Variants in ZDHHC20 observed in about 807,000 individuals in gnomAD.
ZDHHC20 encodes palmitoyltransferase ZDHHC20.
In ZDHHC20, 43 loss-of-function variants were observed where a neutral mutation model predicts 57.8. The observed-to-expected ratio is 0.74, with a 90% confidence interval of 0.58 to 0.96. The LOEUF (loss-of-function observed/expected upper bound fraction) is 0.96. ZDHHC20 is among the 40% of genes least tolerant of loss of function. The probability of loss-of-function intolerance (pLI) is 0.00; values close to 1 mark genes in which losing one functional copy is unlikely to be tolerated. For synonymous variants in ZDHHC20, 157 were observed against 153.0 expected (o/e 1.03, Z -0.19); for missense variants, 391 against 441.1 (o/e 0.89, Z 1.02).
chr13:21,423,620 G>A (rs1880902650), intron 2 of ZDHHC20, among the ~76,000 whole-genome samples: 1 of 151,764 alleles, frequency 6.6e-6, no homozygotes, highest in Non-Finnish European at 1.5e-5. Context: ...GTTGCAGTGA[G>A]CCGAGATCGT....
chr13:21,392,436 C>G (rs962838247), intron 7 of ZDHHC20, among the ~76,000 whole-genome samples: 1 of 152,204 alleles, frequency 6.6e-6, no homozygotes, highest in African/African-American at 2.4e-5. Flanking sequence ...TCTTTAATCT[C>G]TATTTTCAGA....
intron 9 of ZDHHC20, among the ~76,000 whole-genome samples, chr13:21,383,991 C>T (rs1873959840): frequency 6.6e-6 from 1 of 151,804 alleles, no homozygotes; most frequent in Non-Finnish European, 1.5e-5. Context: ...TAATTGTTTT[C>T]AAAATAGGCA....
chr13:21,395,402 G>A (rs1876603398), intron 7 of ZDHHC20, among the ~76,000 whole-genome samples: 1 of 150,768 alleles, frequency 6.6e-6, no homozygotes, highest in African/African-American at 2.4e-5. Context: ...GTGACCTTCG[G>A]TAGTTGCATA....
chr13:21,426,415 G>A (rs1881254883), intron 1 of ZDHHC20, among the ~76,000 whole-genome samples: 1 of 151,992 alleles, frequency 6.6e-6, no homozygotes, highest in Non-Finnish European at 1.5e-5. Context: ...TTCCTCAAAT[G>A]CAACAGCTTA....
intron 1 of ZDHHC20, among the ~76,000 whole-genome samples, chr13:21,446,618 G>T (rs1883730885): frequency 6.6e-6 from 1 of 151,896 alleles, no homozygotes; most frequent in South Asian, 2.1e-4. Flanking sequence ...TCTATTTAAG[G>T]GAATCTATTC....
At position 21,435,080 on chromosome 13, in the gene ZDHHC20, C is replaced by A. The variant is rs985783950; in HGVS notation, c.119-9402G>T. Among the ~76,000 whole-genome samples the A allele has an allele frequency of 7.9e-5, 12 of 152,312 alleles. No homozygotes were observed. The East Asian group carries it at 2.1e-3, about 27-fold the overall frequency. On this transcript the variant is annotated intron_variant, in intron 1 of 12. Transcript: ENST00000400590. ...CAGCAATGAATGAAACTGACTGTTT[C>A]TCTGCAGTCTACTCAATGAAGTTTT...
At position 21,379,373 on chromosome 13, in the gene ZDHHC20, C is replaced by T. The variant is rs138937629; in HGVS notation, c.1061-635G>A. On this transcript the variant is annotated intron_variant, in intron 11 of 12. Coordinates refer to ENST00000400590, the MANE Select transcript of ZDHHC20 (RefSeq NM_001330059.2). ...CATAGCTCACTGTAGCTTCAATATC[C>T]CAGGCTCAAGCAATCCTCTCACCTC... 1.2e-3 allele frequency among the ~76,000 whole-genome samples: 180 copies of T among 152,012 alleles called. 1 individual carries two copies. The highest frequency in any genetic ancestry group is 4.0e-3 in the African/African-American group (165 of 41,464).
intron 1 of ZDHHC20, among the ~76,000 whole-genome samples, chr13:21,432,396 C>T (rs1882068508): frequency 6.6e-6 from 1 of 150,484 alleles, no homozygotes; most frequent in South Asian, 2.1e-4. Flanking sequence ...GTGGCGTGAT[C>T]TCGGCTCACT....
Position 21,402,781 on chromosome 13 carries a change from T to C in ZDHHC20, c.440+16A>G. The C allele has an allele frequency of 6.3e-7, 1 of 1,586,802 alleles. No individual in the cohort carries two copies. The highest frequency in any genetic ancestry group is 8.6e-7 in the Non-Finnish European group (1 of 1,165,400). On this transcript the variant is annotated intron_variant, in intron 5 of 12. Transcript: ENST00000400590. ...TCCAGTGCTAGATATTAAGCATATG[T>C]GTGAGTAACACTTACGAGTCACAGG...
intron 1 of ZDHHC20, among the ~76,000 whole-genome samples, chr13:21,456,996 G>A (rs1183641843): frequency 6.6e-6 from 1 of 152,148 alleles, no homozygotes; most frequent in Admixed American, 6.5e-5. Flanking sequence ...GGACCTATTC[G>A]CTCAGTCTCA....
intron 11 of ZDHHC20, 46 bp from the exon 12 acceptor site, chr13:21,378,784 A>AG: frequency 2.7e-6 from 3 of 1,116,168 alleles, no homozygotes; most frequent in Non-Finnish European, 3.7e-6. Flanking sequence ...AAAAAAAAAA[A>AG]AGAAGTATTA....
At position 21,374,756 on chromosome 13, in the gene ZDHHC20, A is replaced by G. The variant is rs1871777319; in HGVS notation, c.*1940T>C. On this transcript the variant is annotated 3_prime_UTR_variant, in exon 13 of 13. Coordinates refer to ENST00000400590, the MANE Select transcript of ZDHHC20 (RefSeq NM_001330059.2). ...AATTATAAACAAATTATAAACCTAC[A>G]GTAGCAACCATAAAATTTATGCTGT... is the stretch of plus-strand genomic sequence containing the variant. The G allele has an allele frequency of 8.3e-6, 2 of 242,064 alleles. No individual in the cohort carries two copies. The highest frequency in any genetic ancestry group is 4.9e-5 in the Admixed American group (1 of 20,298). 15.0% of individuals were successfully genotyped at this position (242,064 alleles called of 1,614,324 possible). A position where few individuals can be genotyped will look rare whatever the true frequency, so the allele number is the denominator to read the frequency against.
In ZDHHC20 at chr13:21,445,587, A is replaced by G. The variant is rs139581205; in HGVS notation, c.118+13467T>C. Among the ~76,000 whole-genome samples, 433 of 152,360 alleles carry G rather than the reference A, an allele frequency of 2.8e-3. 3 individuals carry two copies. Among genetic ancestry groups the G allele is most frequent in the South Asian group, 0.023 (111 of 4,832 alleles). On this transcript the variant is annotated intron_variant, in intron 1 of 12. Coordinates refer to ENST00000400590, the MANE Select transcript of ZDHHC20 (RefSeq NM_001330059.2). ...TCCAGAAGCAACTTTAAGATTATCA[A>G]TAATACCGATTATCAATAATTGCAA...
Position 21,376,584 on chromosome 13 carries a change from G to C in ZDHHC20, c.*112C>G, listed in dbSNP as rs571993682. ...AAAATATATCTTCTGTTATACTTCA[G>C]TTATTTCATTCCACTGATCATTTTC... On this transcript the variant is annotated 3_prime_UTR_variant, in exon 13 of 13. Coordinates refer to ENST00000400590, the MANE Select transcript of ZDHHC20 (RefSeq NM_001330059.2). 2 of 1,246,576 alleles carry C rather than the reference G, an allele frequency of 1.6e-6. No individual in the cohort carries two copies. Among genetic ancestry groups the C allele is most frequent in the East Asian group, 2.8e-5 (1 of 36,112 alleles). 77.2% of individuals were successfully genotyped at this position (1,246,576 alleles called of 1,614,324 possible).
intron 1 of ZDHHC20, among the ~76,000 whole-genome samples, chr13:21,452,989 A>T (rs191082363): frequency 2.8e-4 from 43 of 152,378 alleles, no homozygotes; most frequent in Non-Finnish European, 5.0e-4. Context: ...CAATAATCAC[A>T]TTAAATGTAG....
rs372949054 is a variant in ZDHHC20 at position 21,443,429 on chromosome 13, C to T, written c.118+15625G>A. Among the ~76,000 whole-genome samples the T allele has an allele frequency of 2.2e-3, 334 of 152,336 alleles. 4 individuals are homozygous for T. The highest frequency in any genetic ancestry group is 7.6e-3 in the African/African-American group (317 of 41,570). ...GAGTCCCTTACTCTTAGTTCTGATA[C>T]AGTCACCAGAGTTCACCTAGCTATT... On this transcript the variant is annotated intron_variant, in intron 1 of 12. Coordinates refer to ENST00000400590, the MANE Select transcript of ZDHHC20 (RefSeq NM_001330059.2).
intron 8 of ZDHHC20, chr13:21,390,393 G>A (rs905811010): frequency 6.6e-6 from 1 of 152,228 alleles, no homozygotes; most frequent in South Asian, 2.1e-4. Flanking sequence ...GTCCAATTAC[G>A]TGAATACCTT....
At chr13:21,379,825 C>CTTTTTCT (rs1555253666) in intron 11 of ZDHHC20, among the ~76,000 whole-genome samples, 2 of 137,732 alleles carry the variant, frequency 1.5e-5, no homozygotes, top group Admixed American at 7.5e-5. Context: ...TTTCTTTTTT[C>CTTTTTCT]TTTTTTTTTG....
chr13:21,407,441 G>A (rs1446978733), intron 4 of ZDHHC20, among the ~76,000 whole-genome samples: 2 of 152,296 alleles, frequency 1.3e-5, no homozygotes, highest in East Asian at 3.9e-4. Context: ...TTTGAAAAGT[G>A]TCTGTTCATA....
Sources: allele counts gnomAD v4.1 joint callset (sites outside exome capture counted in the v4.1 genomes callset), GRCh38; gene constraint gnomAD v4.1.1; transcripts MANE v1.5; gene names NCBI Gene and HGNC (gene_info 2026-07-23, HGNC 2026-07-21).